The following MTHFD1L variants were observed in gnomAD, a reference collection of about 807,000 sequenced individuals.
The protein encoded by MTHFD1L is monofunctional C1-tetrahydrofolate synthase, mitochondrial.
A neutral mutation model predicts 119.5 loss-of-function variants in MTHFD1L; 81 were observed. That is an observed-to-expected ratio of 0.68 (90% CI 0.57 to 0.82). The LOEUF (loss-of-function observed/expected upper bound fraction) is 0.82, where lower values mean the gene tolerates loss of function less well. Ranked by LOEUF, MTHFD1L falls within the 40% of genes least tolerant of loss-of-function variation. MTHFD1L has a pLI of 0.00. For missense variants in MTHFD1L, 1,125 were observed against 1,253.4 expected (o/e 0.90, Z 1.55); for synonymous variants, 430 against 475.2 (o/e 0.90, Z 1.24).
intron 24 of MTHFD1L, among the ~76,000 whole-genome samples, chr6:151,024,130 C>G (rs1171898556): frequency 1.3e-5 from 2 of 151,942 alleles, no homozygotes; most frequent in Non-Finnish European, 2.9e-5. Flanking sequence ...TACAAGGGCT[C>G]CTTGAACATG....
intron 7 of MTHFD1L, among the ~76,000 whole-genome samples, chr6:150,888,559 TAAG>T (rs1231968476): frequency 6.6e-6 from 1 of 152,190 alleles, no homozygotes; most frequent in Admixed American, 6.5e-5. Flanking sequence ...TGAAAATTAT[TAAG>T]AAGACCCATA....
At chr6:150,918,518 C>G in intron 8 of MTHFD1L, 59 bp from the exon 9 acceptor site, 6 of 1,157,130 alleles carry the variant, frequency 5.2e-6, no homozygotes, top group East Asian at 2.3e-5. Context: ...TTACAAGGAG[C>G]AATTGGTTAG....
chr6:151,069,978 T>C (rs1218608212), intron 26 of MTHFD1L, among the ~76,000 whole-genome samples: 1 of 152,184 alleles, frequency 6.6e-6, no homozygotes, highest in African/African-American at 2.4e-5. Context: ...GGACCTGTGT[T>C]GACTCTTCAT....
chr6:151,052,921 C>G (rs532490216), intron 26 of MTHFD1L, among the ~76,000 whole-genome samples: 1 of 152,288 alleles, frequency 6.6e-6, no homozygotes, highest in South Asian at 2.1e-4. Context: ...TAGCTCCAGG[C>G]TGAATAAAGG....
chr6:150,952,727 A>G, intron 16 of MTHFD1L, among the ~76,000 whole-genome samples: 1 of 152,024 alleles, frequency 6.6e-6, no homozygotes, highest in Middle Eastern at 3.2e-3. Flanking sequence ...ACGGGGTTTC[A>G]TCGTGTTGGC....
rs138400906 is a variant in MTHFD1L, at chr6:150,913,803, G to A, written c.893-4774G>A. On this transcript the variant is annotated intron_variant, in intron 8 of 27. Transcript: ENST00000367321. ...GAGCTCACGAGTTCGAGACCAGCCT[G>A]GGCAACATAGTGAAACTCTGCCTCT... 3.3e-3 allele frequency among the ~76,000 whole-genome samples: 500 copies of A among 152,250 alleles called. 1 individual carries two copies. Among genetic ancestry groups the A allele is most frequent in the Non-Finnish European group, 5.1e-3 (349 of 68,016 alleles).
intron 24 of MTHFD1L, among the ~76,000 whole-genome samples, chr6:151,030,161 A>G (rs564206674): frequency 5.9e-5 from 9 of 152,352 alleles, no homozygotes; most frequent in African/African-American, 2.2e-4. Context: ...AAGTATTCAC[A>G]TCCTCATCTT....
chr6:150,962,914 C>CTTTTTTTTTTTTTTT (rs4035893), intron 18 of MTHFD1L, among the ~76,000 whole-genome samples: 2 of 114,144 alleles, frequency 1.8e-5, no homozygotes, highest in African/African-American at 3.3e-5. Flanking sequence ...CTTTTCTTTT[C>CTTTTTTTTTTTTTTT]TTTTTTTTTT....
At chr6:151,014,743 T>C in intron 22 of MTHFD1L, 137 bp from the exon 23 acceptor site, 2 of 625,670 alleles carry the variant, frequency 3.2e-6, no homozygotes, top group Non-Finnish European at 2.8e-6. Flanking sequence ...TCTTTATTCT[T>C]GCAGCCATCT....
intron 7 of MTHFD1L, among the ~76,000 whole-genome samples, chr6:150,904,761 G>A (rs1004504494): frequency 1.3e-5 from 2 of 152,056 alleles, no homozygotes; most frequent in East Asian, 3.8e-4. Flanking sequence ...TGTTCCTCCC[G>A]CACTGGATGA....
rs1238942937 is a variant in MTHFD1L at position 150,905,680 on chromosome 6, T to C, written c.811T>C (p.Ser271Pro). 2 of 1,614,110 alleles carry C rather than the reference T, an allele frequency of 1.2e-6. No homozygotes were observed. The highest frequency in any genetic ancestry group is 2.2e-5 in the South Asian group (2 of 91,082). ...LHEADIVVLG[S>P]PKPEEIPLTW... ...CGAGGCTGACATTGTGGTCCTAGGC[T>C]CACCTAAGCCAGAAGAGATTCCCCT... is the stretch of plus-strand genomic sequence containing the variant. Residue 271 changes from serine (S) to proline (P), a missense_variant, in exon 8 of 28, where the codon TCA (serine) becomes CCA (proline). Transcript: ENST00000367321.
intron 8 of MTHFD1L, among the ~76,000 whole-genome samples, chr6:150,915,267 C>T (rs1416539241): frequency 1.3e-5 from 2 of 151,308 alleles, no homozygotes; most frequent in Admixed American, 6.6e-5. Context: ...TTTTTTTTTT[C>T]CTTAGCTCAT....
intron 20 of MTHFD1L, among the ~76,000 whole-genome samples, chr6:150,983,051 C>A (rs554078082): frequency 6.6e-6 from 1 of 152,080 alleles, no homozygotes; most frequent in Admixed American, 6.6e-5. Context: ...GATGGTAGTT[C>A]ATTATAGTTG....
chr6:151,022,165 C>T (rs981293031), intron 24 of MTHFD1L: 1 of 396,424 alleles, frequency 2.5e-6, no homozygotes, highest in Non-Finnish European at 5.3e-6. Context: ...GTGTTTCCTC[C>T]TCTGCTGGTC....
At chr6:150,881,466 A>G (rs556666336) in intron 4 of MTHFD1L, among the ~76,000 whole-genome samples, 60 of 152,254 alleles carry the variant, frequency 3.9e-4, no homozygotes, top group African/African-American at 1.3e-3. Flanking sequence ...TGTTATATTG[A>G]AAAAGAGTAG....
chr6:151,003,770 G>A (rs1162129383), intron 20 of MTHFD1L, among the ~76,000 whole-genome samples: 15 of 152,118 alleles, frequency 9.9e-5, no homozygotes, highest in Admixed American at 9.2e-4. Context: ...TGATGTGAGT[G>A]TTTAATGATG....
intron 12 of MTHFD1L, 111 bp downstream of exon 12, chr6:150,937,051 C>T (rs1370674975): frequency 7.6e-7 from 1 of 1,310,002 alleles, no homozygotes; most frequent in African/African-American, 1.5e-5. Context: ...GGACTTGGTA[C>T]ATTTCTTCAC....
At position 150,982,161 on chromosome 6, in the gene MTHFD1L, GAAAA is replaced by G. The variant is rs199644249; in HGVS notation, c.2125+10104_2125+10107del. Among the ~76,000 whole-genome samples the G allele has an allele frequency of 7.0e-3, 1,057 of 150,332 alleles. 14 individuals carry two copies. Among genetic ancestry groups the G allele is most frequent in the African/African-American group, 0.024 (989 of 40,888 alleles). On this transcript the variant is annotated intron_variant, in intron 20 of 27. Transcript: ENST00000367321. ...TAATACTTTTTAAAAGAGAAAGAAA[GAAAA>G]GAAAGAAAGAGAACACTTTTTAAAA...
chr6:150,925,727 C>G (rs547371348), intron 10 of MTHFD1L, among the ~76,000 whole-genome samples: 5 of 151,956 alleles, frequency 3.3e-5, no homozygotes, highest in African/African-American at 1.2e-4. Context: ...CCAGCCCGAT[C>G]GGAGATTATT....
Sources: gnomAD v4.1 joint callset for allele counts (sites outside exome capture counted in the v4.1 genomes callset) on GRCh38, gnomAD v4.1.1 for gene constraint, MANE v1.5 for transcripts, NCBI Gene and HGNC (gene_info 2026-07-23, HGNC 2026-07-21) for gene names.